TUSC3: variants seen among roughly 807,000 people sequenced by gnomAD.
TUSC3 encodes dolichyl-diphosphooligosaccharide--protein glycosyltransferase subunit TUSC3.
TUSC3 carries 45 observed loss-of-function variants against 44.8 expected under a neutral mutation model. The ratio of observed to expected loss-of-function variants is 1.00; its 90% CI spans 0.79 to 1.29. TUSC3 has a LOEUF of 1.29. Among genes scored for constraint, TUSC3 ranks in the 50% most tolerant of loss-of-function variants. TUSC3 has a pLI of 0.00. For missense variants in TUSC3, 519 were observed against 437.9 expected (o/e 1.19, Z -1.65); for synonymous variants, 212 against 152.9 (o/e 1.39, Z -2.85).
At chr8:15,539,737 G>A (rs1054526873), upstream of TUSC3, among the ~76,000 whole-genome samples, 2 of 152,122 alleles carry the variant, frequency 1.3e-5, no homozygotes. Flanking sequence ...ACGGTGCTCT[G>A]TACTTATGCA....
intron 2 of TUSC3, among the ~76,000 whole-genome samples, chr8:15,527,253 G>T (rs984104991): frequency 6.6e-6 from 1 of 152,226 alleles, no homozygotes; most frequent in Non-Finnish European, 1.5e-5. Flanking sequence ...GTCTCACTCT[G>T]TCACCCAGGC....
At chr8:15,499,220 T>C (rs1368960543) in intron 2 of TUSC3, among the ~76,000 whole-genome samples, 4 of 152,280 alleles carry the variant, frequency 2.6e-5, no homozygotes, top group African/African-American at 9.6e-5. Context: ...TCCTTCTGCC[T>C]CTCTCTTACC....
At chr8:15,756,784 G>A (rs1811945654) in intron 9 of TUSC3, among the ~76,000 whole-genome samples, 1 of 152,144 alleles carries the variant, frequency 6.6e-6, no homozygotes, top group Non-Finnish European at 1.5e-5. Flanking sequence ...GGAGTTGTCA[G>A]GTTGTTCTTC....
At chr8:15,703,636 C>T (rs1018368405) in intron 6 of TUSC3, among the ~76,000 whole-genome samples, 6 of 152,104 alleles carry the variant, frequency 3.9e-5, no homozygotes, top group Non-Finnish European at 8.8e-5. Context: ...AAGCTGCTTC[C>T]ACTCATAGCC....
the TUSC3 span, among the ~76,000 whole-genome samples, chr8:15,799,961 C>A: frequency 3.3e-5 from 5 of 152,146 alleles, no homozygotes; most frequent in African/African-American, 9.7e-5. Flanking sequence ...TCAGATGGCC[C>A]CTGCACATTC....
Position 15,757,006 on chromosome 8 carries a change from C to T in TUSC3, c.1029-785C>T, listed in dbSNP as rs372455973. ...AAAAAATTAGCCTGGCATGGTGGCACACGCCTGTAGTCCCAGCTACTGGGG... is the reference window on the plus strand; with the variant it reads ...AAAAAATTAGCCTGGCATGGTGGCATACGCCTGTAGTCCCAGCTACTGGGG... On this transcript the variant is annotated intron_variant, in intron 9 of 10. Coordinates refer to ENST00000503731, the MANE Select transcript of TUSC3 (RefSeq NM_006765.4). Among the ~76,000 whole-genome samples, 5 of 152,186 alleles carry T rather than the reference C, an allele frequency of 3.3e-5. No individual in the cohort carries two copies. In the South Asian group the frequency reaches 1.0e-3, roughly 32 times the overall value.
At chr8:15,736,003 C>G (rs950321495) in intron 7 of TUSC3, among the ~76,000 whole-genome samples, 6 of 152,026 alleles carry the variant, frequency 3.9e-5, no homozygotes, top group African/African-American at 1.2e-4. Context: ...GCTGGGATTA[C>G]AGGCATGAGC....
chr8:15,604,288 G>A (rs1383792039), intron 1 of TUSC3, among the ~76,000 whole-genome samples: 2 of 151,644 alleles, frequency 1.3e-5, no homozygotes, highest in African/African-American at 2.4e-5. Flanking sequence ...TAGTGGAAAA[G>A]AGGGGGAAAG....
chr8:15,644,053 TAAAAATTATATTC>T (rs1806506797), intron 2 of TUSC3, among the ~76,000 whole-genome samples: 1 of 152,220 alleles, frequency 6.6e-6, no homozygotes, highest in Non-Finnish European at 1.5e-5. Context: ...AACATCTCTT[TAAAAATTATATTC>T]ATCATGGGAA....
At chr8:15,625,944 G>T (rs571546318) in intron 2 of TUSC3, among the ~76,000 whole-genome samples, 11 of 152,330 alleles carry the variant, frequency 7.2e-5, no homozygotes, top group African/African-American at 2.4e-4. Context: ...TCAGAATTGG[G>T]CTAGCACATA....
chr8:15,640,122 G>C (rs1056334685), intron 2 of TUSC3, among the ~76,000 whole-genome samples: 11 of 152,094 alleles, frequency 7.2e-5, no homozygotes, highest in African/African-American at 2.7e-4. Context: ...CAAACAATGT[G>C]GTTAATGCTG....
rs566049457 is a variant in TUSC3, at chr8:15,684,078, C to T, written c.798+10242C>T. Among the ~76,000 whole-genome samples, 21 of 151,524 alleles carry T rather than the reference C, an allele frequency of 1.4e-4. No individual in the cohort carries two copies. In the South Asian group the frequency reaches 2.3e-3, roughly 17 times the overall value. The stretch of plus-strand genomic sequence containing the variant: ...AGTCGTGCTCTCCACTTTAGTATTT[C>T]ACTGCATTCACCGTAGTGCTCTGGG... On this transcript the variant is annotated intron_variant, in intron 6 of 10. Transcript: ENST00000503731.
intron 6 of TUSC3, among the ~76,000 whole-genome samples, chr8:15,709,351 C>T (rs915769172): frequency 2.0e-5 from 3 of 151,812 alleles, no homozygotes; most frequent in Admixed American, 2.0e-4. Flanking sequence ...TACCCCAATC[C>T]AAGTATGAGA....
chr8:15,844,387 G>A, the TUSC3 span, among the ~76,000 whole-genome samples: 3 of 152,096 alleles, frequency 2.0e-5, no homozygotes, highest in Non-Finnish European at 2.9e-5. Context: ...AATAAGCTAA[G>A]AGTCTATTTG....
At chr8:15,642,302 C>G (rs1267557969) in intron 2 of TUSC3, among the ~76,000 whole-genome samples, 2 of 152,076 alleles carry the variant, frequency 1.3e-5, no homozygotes, top group Non-Finnish European at 2.9e-5. Flanking sequence ...ATGTGAATCT[C>G]TATGCTTTTT....
chr8:15,764,120 G>C, intron 10 of TUSC3, 83 bp from the exon 11 acceptor site: 2 of 1,305,578 alleles, frequency 1.5e-6, no homozygotes, highest in South Asian at 2.5e-5. Context: ...ATTTACATGT[G>C]CTAATTTAGA....
the TUSC3 span, among the ~76,000 whole-genome samples, chr8:15,836,086 TTC>T: frequency 6.6e-6 from 1 of 152,250 alleles, no homozygotes; most frequent in South Asian, 2.1e-4. Context: ...TTTGTTTTCT[TTC>T]TGTTTGCATT....
At chr8:15,723,704 A>C (rs1810393489) in intron 6 of TUSC3, among the ~76,000 whole-genome samples, 1 of 152,164 alleles carries the variant, frequency 6.6e-6, no homozygotes, top group Non-Finnish European at 1.5e-5. Context: ...TTAAAATGTT[A>C]GAGTGGGATT....
the TUSC3 span, among the ~76,000 whole-genome samples, chr8:15,828,904 T>A: frequency 2.0e-5 from 3 of 152,128 alleles, no homozygotes; most frequent in Non-Finnish European, 4.4e-5. Flanking sequence ...CAAACAAATG[T>A]TGGAGTGAAA....
Sources: gnomAD v4.1 joint callset for allele counts (sites outside exome capture counted in the v4.1 genomes callset) on GRCh38, gnomAD v4.1.1 for gene constraint, MANE v1.5 for transcripts, NCBI Gene and HGNC (gene_info 2026-07-23, HGNC 2026-07-21) for gene names.